PUM3: variants seen among roughly 807,000 people sequenced by gnomAD.
PUM3 encodes the protein pumilio homolog 3.
PUM3 carries 91 observed loss-of-function variants against 84.0 expected under a neutral mutation model. That is an observed-to-expected ratio of 1.08 (90% confidence interval 0.91 to 1.29). The LOEUF (loss-of-function observed/expected upper bound fraction) is 1.29. Ranked by LOEUF, PUM3 falls within the 50% of genes most tolerant of loss-of-function variation. The pLI is 0.00. For synonymous variants in PUM3, 321 were observed against 266.7 expected (o/e 1.20, Z -1.98); for missense variants, 1,067 against 767.5 (o/e 1.39, Z -4.61).
Position 2,806,426 on chromosome 9 carries a change from G to A in PUM3, c.1814+1388C>T, listed in dbSNP as rs78823376. Among the ~76,000 whole-genome samples, 80 of 152,270 alleles carry A rather than the reference G, an allele frequency of 5.3e-4. 2 individuals are homozygous for A. The South Asian group carries it at 0.01, about 19-fold the overall frequency. ...GTGAGTATTATGTGTACCAGATCAC[G>A]TATATGTTGAAGAAACACTTAAAAT... On this transcript the variant is annotated intron_variant, in intron 17 of 17. Coordinates refer to ENST00000397885, the MANE Select transcript of PUM3 (RefSeq NM_014878.5).
intron 13 of PUM3, among the ~76,000 whole-genome samples, chr9:2,818,601 A>AT (rs1381672262): frequency 6.6e-6 from 1 of 152,212 alleles, no homozygotes; most frequent in Non-Finnish European, 1.5e-5. Context: ...ATGGCCTCAC[A>AT]TCTCTGTCAC....
Position 2,811,489 on chromosome 9 carries a change from G to C in PUM3, c.1507C>G (p.Leu503Val). 1.2e-6 allele frequency: 2 copies of C among 1,614,144 alleles called. No individual in the cohort carries two copies. The highest frequency in any genetic ancestry group is 1.3e-5 in the African/African-American group (1 of 75,038). ...ACCAACACACACGCAGACTTATCTA[G>C]CACCACTTCTTGGGCGTGTTCTTGC... Reference protein sequence around the residue: ...YLQEHAQEVVLDKSACVLVSD... With the variant: ...YLQEHAQEVVVDKSACVLVSD... Residue 503 changes from leucine (L) to valine (V), a missense_variant, in exon 15 of 18, where the codon CTA (leucine) becomes GTA (valine). By Grantham distance (32) the Leu-to-Val change is conservative. Transcript: ENST00000397885.
intron 1 of PUM3, among the ~76,000 whole-genome samples, 171 bp downstream of exon 1, chr9:2,843,874 G>A (rs371494272): frequency 6.6e-6 from 1 of 151,536 alleles, no homozygotes; most frequent in African/African-American, 2.4e-5. Context: ...CACCGCGCCC[G>A]GCCAGTCCCG....
intron 16 of PUM3, among the ~76,000 whole-genome samples, chr9:2,808,558 G>A (rs1821306216): frequency 6.6e-6 from 1 of 152,078 alleles, no homozygotes; most frequent in African/African-American, 2.4e-5. Flanking sequence ...ATGGAGGTAG[G>A]GACAACCTAT....
At chr9:2,843,717 C>T (rs963442074) in intron 1 of PUM3, among the ~76,000 whole-genome samples, 25 of 151,768 alleles carry the variant, frequency 1.6e-4, no homozygotes, top group Non-Finnish European at 2.9e-4. Context: ...TAGCTGGGAC[C>T]ACAGGCGCCC....
At chr9:2,827,301 A>AAATACT in intron 9 of PUM3, 150 bp from the exon 10 acceptor site, 1 of 577,942 alleles carries the variant, frequency 1.7e-6, no homozygotes, top group South Asian at 3.0e-5. Flanking sequence ...TATTTTTCAG[A>AAATACT]AATACTAAAA....
chr9:2,808,269 T>C (rs1586715847), intron 16 of PUM3, among the ~76,000 whole-genome samples: 1 of 152,250 alleles, frequency 6.6e-6, no homozygotes, highest in Admixed American at 6.5e-5. Context: ...TAGCACCTCA[T>C]GCTTGGTTGA....
At chr9:2,826,463 A>G (rs747873632) in intron 10 of PUM3, among the ~76,000 whole-genome samples, 6 of 152,066 alleles carry the variant, frequency 3.9e-5, no homozygotes, top group Non-Finnish European at 8.8e-5. Flanking sequence ...GTCTGGCGTT[A>G]TTTGTTAAGT....
At chr9:2,811,280 T>G (rs1821363674) in intron 15 of PUM3, 81 bp downstream of exon 15, 1 of 1,155,334 alleles carries the variant, frequency 8.7e-7, no homozygotes, top group African/African-American at 1.5e-5. Flanking sequence ...CCCAGCTTTC[T>G]TACTGACACC....
In PUM3 at chr9:2,830,070, G is replaced by A. The variant is rs1815934762; in HGVS notation, c.678-122C>T. 8 of 765,748 alleles carry A rather than the reference G, an allele frequency of 1.0e-5. No homozygotes were observed. In the South Asian group the frequency reaches 1.3e-4, roughly 12 times the overall value. 47.4% of individuals were successfully genotyped at this position (765,748 alleles called of 1,614,324 possible). ...CTGTGTCACTCTGAGGAGTAAATGA[G>A]CTAGCATGCATTGAGAAGCTGTGGC... On this transcript the variant is annotated intron_variant, in intron 7 of 17. Coordinates refer to ENST00000397885, the MANE Select transcript of PUM3 (RefSeq NM_014878.5).
At chr9:2,811,275 C>G in intron 15 of PUM3, 86 bp downstream of exon 15, 1 of 1,073,340 alleles carries the variant, frequency 9.3e-7, no homozygotes, top group Non-Finnish European at 1.4e-6. Flanking sequence ...CCCTCCCCAG[C>G]TTTCTTACTG....
intron 1 of PUM3, 96 bp from the exon 2 acceptor site, chr9:2,838,613 C>A: frequency 1.4e-6 from 1 of 734,632 alleles, no homozygotes; most frequent in South Asian, 1.6e-5. Context: ...GTCCTTCAGT[C>A]TACAAATACA....
At chr9:2,820,998 A>G (rs571484190) in intron 12 of PUM3, among the ~76,000 whole-genome samples, 1 of 152,212 alleles carries the variant, frequency 6.6e-6, no homozygotes, top group Non-Finnish European at 1.5e-5. Context: ...ATTTTTGATA[A>G]TAGCCCACAA....
At position 2,831,008 on chromosome 9, in the gene PUM3, T is replaced by C. The variant is rs1462043710; in HGVS notation, c.631A>G (p.Lys211Glu). ...ACAATATTTCTCGAATATTTGGCTT[T>C]ACTTAACTCAACCAAATCATCTGAA... ...ELRDDLVELSKAKYSRNIVKK... is the reference protein window; with the variant it reads ...ELRDDLVELSEAKYSRNIVKK... The change falls in exon 7 of 18, where the codon AAA becomes GAA. Residue 211 changes from lysine (K) to glutamate (E), a missense_variant. Physicochemically the swap from Lys to Glu is moderately conservative, Grantham distance 56. Transcript: ENST00000397885. 30 of 1,493,866 alleles carry C rather than the reference T, an allele frequency of 2.0e-5. No individual in the cohort carries two copies. Among genetic ancestry groups the C allele is most frequent in the Non-Finnish European group, 2.5e-5 (27 of 1,076,496 alleles). 92.5% of individuals were successfully genotyped at this position (1,493,866 alleles called of 1,614,324 possible).
At position 2,824,787 on chromosome 9, in the gene PUM3, A is replaced by G. The variant is rs946078552; in HGVS notation, c.1064T>C (p.Val355Ala). Residue 355 changes from valine to alanine, a missense_variant, in exon 11 of 18, where the codon GTG becomes GCG. Physicochemically the swap from Val to Ala is moderately conservative, Grantham distance 64 (BLOSUM62 0). Coordinates refer to ENST00000397885, the MANE Select transcript of PUM3 (RefSeq NM_014878.5). ...ATCGTGTGTGTGTGCCAGGTAGACC[A>G]CCGCTTCGCGGATGGCTTCAATCAT... The part of the protein sequence containing the change: ...SEMIEAIREA[V>A]VYLAHTHDGA... 5 of 1,579,760 alleles carry G rather than the reference A, an allele frequency of 3.2e-6. No homozygotes were observed. The African/African-American group carries it at 6.7e-5, about 21-fold the overall frequency.
At chr9:2,806,428 A>G (rs755810334) in intron 17 of PUM3, among the ~76,000 whole-genome samples, 2 of 152,230 alleles carry the variant, frequency 1.3e-5, no homozygotes, top group Admixed American at 1.3e-4. Flanking sequence ...CAGATCACGT[A>G]TATGTTGAAG....
At chr9:2,834,224 A>T in intron 3 of PUM3, 58 bp from the exon 4 acceptor site, 1 of 1,479,150 alleles carries the variant, frequency 6.8e-7, no homozygotes, top group Non-Finnish European at 9.2e-7. Flanking sequence ...TCATACACCA[A>T]TACAAATTAG....
intron 16 of PUM3, among the ~76,000 whole-genome samples, chr9:2,808,519 G>A (rs1265989204): frequency 6.6e-6 from 1 of 152,220 alleles, no homozygotes; most frequent in Non-Finnish European, 1.5e-5. Flanking sequence ...GGACAAAGGA[G>A]AAATTCTGAT....
chr9:2,831,866 T>C (rs905276483), intron 5 of PUM3, among the ~76,000 whole-genome samples: 2 of 152,174 alleles, frequency 1.3e-5, no homozygotes, highest in African/African-American at 4.8e-5. Context: ...TAATCATCCA[T>C]TTGTCACATT....
Sources: gnomAD v4.1 joint callset for allele counts (sites outside exome capture counted in the v4.1 genomes callset) on GRCh38, gnomAD v4.1.1 for gene constraint, MANE v1.5 for transcripts, NCBI Gene and HGNC (gene_info 2026-07-23, HGNC 2026-07-21) for gene names.